Variants in AGBL4 observed in about 807,000 individuals in gnomAD.
AGBL4 encodes AGBL carboxypeptidase 4.
A neutral mutation model predicts 66.4 loss-of-function variants in AGBL4; 58 were observed. That is an observed-to-expected ratio of 0.87 (90% CI 0.71 to 1.09). The LOEUF (loss-of-function observed/expected upper bound fraction) is 1.09, where lower values mean the gene tolerates loss of function less well. AGBL4 is among the 50% of genes least tolerant of loss of function. The probability of loss-of-function intolerance (pLI) is 0.00; values close to 1 mark genes in which losing one functional copy is unlikely to be tolerated. For missense variants in AGBL4, 579 were observed against 631.0 expected, an observed-to-expected ratio of 0.92 and a Z score of 0.88; for synonymous variants, 234 against 222.9, an observed-to-expected ratio of 1.05 and a Z score of -0.44.
At chr1:48,661,977 C>T (rs572777653) in intron 7 of AGBL4, among the ~76,000 whole-genome samples, 2 of 152,182 alleles carry the variant, frequency 1.3e-5, no homozygotes, top group Non-Finnish European at 2.9e-5. Flanking sequence ...GCTATAGTGA[C>T]TGGAGCCTCA....
chr1:48,675,363 C>A (rs1646348119), intron 6 of AGBL4, among the ~76,000 whole-genome samples: 1 of 152,178 alleles, frequency 6.6e-6, no homozygotes, highest in Admixed American at 6.5e-5. Flanking sequence ...TGTCTCCATG[C>A]CACATTATTT....
chr1:49,269,167 G>A (rs1362740508), intron 3 of AGBL4: 1 of 152,062 alleles, frequency 6.6e-6, no homozygotes, highest in African/African-American at 2.4e-5. Context: ...CATATAGACG[G>A]TTGACTTCCA....
At chr1:49,656,412 A>C (rs1260903035) in intron 3 of AGBL4, among the ~76,000 whole-genome samples, 3 of 152,166 alleles carry the variant, frequency 2.0e-5, no homozygotes, top group Non-Finnish European at 2.9e-5. Context: ...TTCACAGCCG[A>C]ATTCTACCAC....
intron 1 of AGBL4, among the ~76,000 whole-genome samples, chr1:49,876,888 G>T (rs1480712377): frequency 6.7e-6 from 1 of 150,262 alleles, no homozygotes; most frequent in African/African-American, 2.5e-5. Context: ...CTTGTAAGTT[G>T]GATTCCTAGG....
At chr1:49,859,572 C>T (rs979747464) in intron 1 of AGBL4, among the ~76,000 whole-genome samples, 4 of 151,982 alleles carry the variant, frequency 2.6e-5, no homozygotes, top group Admixed American at 6.6e-5. Context: ...AGAATTAAAA[C>T]GGAATTCCTT....
At chr1:49,282,886 G>A (rs569172569) in intron 3 of AGBL4, among the ~76,000 whole-genome samples, 105 of 152,132 alleles carry the variant, frequency 6.9e-4, no homozygotes, top group East Asian at 4.7e-3. Flanking sequence ...ATGGAGTCTC[G>A]CTGACTGCTA....
At chr1:49,374,673 T>C (rs1430121424) in intron 3 of AGBL4, among the ~76,000 whole-genome samples, 1 of 152,110 alleles carries the variant, frequency 6.6e-6, no homozygotes, top group Non-Finnish European at 1.5e-5. Flanking sequence ...ACCTTCATCA[T>C]TTACATCTTA....
At chr1:49,425,473 A>T (rs1645636155) in intron 3 of AGBL4, among the ~76,000 whole-genome samples, 2 of 152,212 alleles carry the variant, frequency 1.3e-5, no homozygotes, top group Admixed American at 1.3e-4. Flanking sequence ...AGCATTTAAA[A>T]TACTTTAAAG....
At chr1:48,691,766 C>A (rs944450210) in intron 6 of AGBL4, among the ~76,000 whole-genome samples, 2 of 152,216 alleles carry the variant, frequency 1.3e-5, no homozygotes, top group Non-Finnish European at 2.9e-5. Context: ...CCTCACATAG[C>A]TGTTAGTGCT....
At chr1:49,787,844 C>A (rs567120295) in intron 2 of AGBL4, among the ~76,000 whole-genome samples, 1 of 152,134 alleles carries the variant, frequency 6.6e-6, no homozygotes, top group African/African-American at 2.4e-5. Flanking sequence ...CCTACCAGCT[C>A]GCCTGCACAT....
chr1:49,810,552 G>A (rs1383603452), intron 2 of AGBL4, among the ~76,000 whole-genome samples: 1 of 151,946 alleles, frequency 6.6e-6, no homozygotes, highest in Admixed American at 6.6e-5. Context: ...GGGGGTACTG[G>A]AGAAGGCTAT....
intron 4 of AGBL4, among the ~76,000 whole-genome samples, chr1:49,170,375 ATGAG>A (rs948435359): frequency 7.0e-5 from 10 of 142,960 alleles, no homozygotes; most frequent in South Asian, 2.1e-4. Context: ...TCTTGGTTCC[ATGAG>A]TAAGTTATTG....
intron 4 of AGBL4, among the ~76,000 whole-genome samples, chr1:49,066,283 G>A (rs1404335227): frequency 6.6e-6 from 1 of 152,234 alleles, no homozygotes; most frequent in Non-Finnish European, 1.5e-5. Flanking sequence ...GCTGGGCACG[G>A]TGGCTCATGC....
intron 5 of AGBL4, among the ~76,000 whole-genome samples, chr1:49,007,901 C>G (rs1369694957): frequency 6.6e-6 from 1 of 150,664 alleles, no homozygotes; most frequent in African/African-American, 2.4e-5. Flanking sequence ...AAGGAACAAC[C>G]AGTACCAGCC....
intron 3 of AGBL4, among the ~76,000 whole-genome samples, chr1:49,481,717 T>C (rs779216143): frequency 1.3e-5 from 2 of 151,932 alleles, no homozygotes; most frequent in Non-Finnish European, 2.9e-5. Context: ...TTCAAAGGAA[T>C]TGCTTCCAGC....
At chr1:49,140,944 CCTT>C (rs1646105738) in intron 4 of AGBL4, among the ~76,000 whole-genome samples, 1 of 152,068 alleles carries the variant, frequency 6.6e-6, no homozygotes, top group Non-Finnish European at 1.5e-5. Context: ...TATCTGTACT[CCTT>C]CTTGGGGCTT....
At chr1:49,010,133 T>C (rs552459785) in intron 5 of AGBL4, among the ~76,000 whole-genome samples, 81 of 152,280 alleles carry the variant, frequency 5.3e-4, no homozygotes, top group African/African-American at 1.7e-3. Context: ...GAAAACTCCA[T>C]TGACTCAGCC....
intron 4 of AGBL4, among the ~76,000 whole-genome samples, chr1:49,064,233 A>C (rs1015705625): frequency 6.6e-6 from 1 of 152,198 alleles, no homozygotes; most frequent in African/African-American, 2.4e-5. Flanking sequence ...ATTTTGGATG[A>C]TCCACATCTA....
intron 4 of AGBL4, among the ~76,000 whole-genome samples, chr1:49,145,241 C>T (rs1646195706): frequency 6.6e-6 from 1 of 152,086 alleles, no homozygotes; most frequent in Non-Finnish European, 1.5e-5. Flanking sequence ...TCTCTACTCA[C>T]CACTCTTGCC....
Sources: allele counts gnomAD v4.1 joint callset (sites outside exome capture counted in the v4.1 genomes callset), GRCh38; gene constraint gnomAD v4.1.1; transcripts MANE v1.5; gene names NCBI Gene and HGNC (gene_info 2026-07-23, HGNC 2026-07-21).